The following TLL2 variants were observed in gnomAD, a reference collection of about 807,000 sequenced individuals.
TLL2 encodes tolloid like 2.
TLL2 carries 106 observed loss-of-function variants against 123.0 expected under a neutral mutation model. That is an observed-to-expected ratio of 0.86 (90% CI 0.74 to 1.01). The LOEUF (loss-of-function observed/expected upper bound fraction) is 1.01, where lower values mean the gene tolerates loss of function less well. Ranked by LOEUF, TLL2 falls within the 50% of genes least tolerant of loss-of-function variation. The pLI is 0.00. For missense variants in TLL2, 1,332 were observed against 1,336.7 expected, an observed-to-expected ratio of 1.00 and a Z score of 0.06; for synonymous variants, 494 against 516.8, an observed-to-expected ratio of 0.96 and a Z score of 0.60.
At chr10:96,396,372 C>T (rs765955772) in intron 11 of TLL2, among the ~76,000 whole-genome samples, 3 of 152,146 alleles carry the variant, frequency 2.0e-5, no homozygotes, top group Non-Finnish European at 4.4e-5. Flanking sequence ...CCGTGAAGTT[C>T]CCCAGGTGAT....
chr10:96,502,688 A>T (rs1234835372), intron 1 of TLL2, among the ~76,000 whole-genome samples: 2 of 147,680 alleles, frequency 1.4e-5, no homozygotes, highest in African/African-American at 4.9e-5. Flanking sequence ...CAGGGAGGAG[A>T]GGCGACCCTG....
At chr10:96,410,286 A>T (rs749718888) in intron 9 of TLL2, 73 bp downstream of exon 9, 10 of 1,091,910 alleles carry the variant, frequency 9.2e-6, no homozygotes, top group Non-Finnish European at 1.4e-5. Flanking sequence ...TTTACTATTA[A>T]CAATAAGAAC....
intron 11 of TLL2, among the ~76,000 whole-genome samples, chr10:96,396,422 C>T (rs1846341490): frequency 6.6e-6 from 1 of 152,086 alleles, no homozygotes; most frequent in Admixed American, 6.5e-5. Flanking sequence ...GGAAAGGACC[C>T]GTGCGCGCAC....
In TLL2 at chr10:96,452,978, CAT is replaced by C. The variant is rs572312917; in HGVS notation, c.287-6812_287-6811del. 5.7e-3 allele frequency among the ~76,000 whole-genome samples: 864 copies of C among 152,304 alleles called. 15 individuals carry two copies. The South Asian group carries it at 0.074, about 13-fold the overall frequency. On this transcript the variant is annotated intron_variant, in intron 2 of 20. Coordinates refer to ENST00000357947, the MANE Select transcript of TLL2 (RefSeq NM_012465.4). The stretch of plus-strand genomic sequence containing the variant: ...TAACTTTTATATCCGTGCCAAATTT[CAT>C]ATGCTACAGAAGAGAACGGGAAAAT...
intron 11 of TLL2, 66 bp from the exon 12 acceptor site, chr10:96,396,086 T>C (rs1179293984): frequency 5.8e-6 from 9 of 1,565,102 alleles, no homozygotes; most frequent in African/African-American, 5.4e-5. Flanking sequence ...GGAAGGAAGG[T>C]TGGGGAGGCG....
At chr10:96,403,890 A>G (rs1216445558) in intron 10 of TLL2, among the ~76,000 whole-genome samples, 2 of 152,090 alleles carry the variant, frequency 1.3e-5, no homozygotes, top group African/African-American at 4.8e-5. Context: ...CTGCCTTGTT[A>G]TTCTTTACTC....
intron 11 of TLL2, 134 bp from the exon 12 acceptor site, chr10:96,396,154 GC>G: frequency 9.8e-7 from 1 of 1,023,498 alleles, no homozygotes; most frequent in Non-Finnish European, 1.4e-6. Flanking sequence ...TTCATCTCCA[GC>G]CCACAAACAC....
At chr10:96,468,561 A>G (rs1339349298) in intron 2 of TLL2, among the ~76,000 whole-genome samples, 1 of 152,208 alleles carries the variant, frequency 6.6e-6, no homozygotes, top group African/African-American at 2.4e-5. Flanking sequence ...TATTTGAGCT[A>G]TCTTGAGTGG....
chr10:96,406,526 C>A (rs1236227428), intron 9 of TLL2, among the ~76,000 whole-genome samples: 2 of 152,158 alleles, frequency 1.3e-5, no homozygotes, highest in African/African-American at 4.8e-5. Context: ...CTAGCCACTT[C>A]TTTATATTCA....
At chr10:96,410,713 C>T in intron 8 of TLL2, 1 of 603,680 alleles carries the variant, frequency 1.7e-6, no homozygotes. Flanking sequence ...TGAGCATGGC[C>T]TAGAGGTCAT....
intron 7 of TLL2, among the ~76,000 whole-genome samples, chr10:96,415,822 C>T (rs1258240713): frequency 1.2e-5 from 1 of 84,994 alleles, no homozygotes; most frequent in African/African-American, 4.3e-5. Context: ...TTAGAAAATA[C>T]CTATTACCCC....
chr10:96,456,573 G>A (rs1847018315), intron 2 of TLL2, among the ~76,000 whole-genome samples: 1 of 152,206 alleles, frequency 6.6e-6, no homozygotes, highest in Non-Finnish European at 1.5e-5. Flanking sequence ...CCAGGAATCA[G>A]ACCAGAAGTC....
chr10:96,449,592 A>G (rs1196445561), intron 2 of TLL2, among the ~76,000 whole-genome samples: 1 of 152,156 alleles, frequency 6.6e-6, no homozygotes, highest in Non-Finnish European at 1.5e-5. Flanking sequence ...GCCACATTTC[A>G]TCTCCTGATG....
chr10:96,394,410 C>T (rs1846318011), intron 13 of TLL2, among the ~76,000 whole-genome samples: 1 of 151,956 alleles, frequency 6.6e-6, no homozygotes, highest in Non-Finnish European at 1.5e-5. Context: ...GAGGACCTGC[C>T]CGTTCAAAGG....
At chr10:96,374,964 G>C (rs1410754983) in intron 18 of TLL2, among the ~76,000 whole-genome samples, 9 of 45,268 alleles carry the variant, frequency 2.0e-4, no homozygotes, top group East Asian at 2.5e-3. Flanking sequence ...TTAGTTGCGG[G>C]GGGGGGGGGG....
At chr10:96,464,883 T>G (rs1395121410) in intron 2 of TLL2, among the ~76,000 whole-genome samples, 2 of 152,184 alleles carry the variant, frequency 1.3e-5, no homozygotes, top group African/African-American at 2.4e-5. Context: ...CAGAAAGGGT[T>G]GCCTACACTC....
intron 2 of TLL2, among the ~76,000 whole-genome samples, chr10:96,479,331 G>A (rs1847289146): frequency 6.6e-6 from 1 of 152,218 alleles, no homozygotes. Flanking sequence ...CCTGCAGGGA[G>A]CTTTGAAGGC....
intron 10 of TLL2, 129 bp downstream of exon 10, chr10:96,405,101 CAG>C (rs1846436892): frequency 2.5e-6 from 2 of 795,900 alleles, no homozygotes; most frequent in African/African-American, 3.4e-5. Flanking sequence ...ATGGAGTGCT[CAG>C]AGTTTTACAA....
intron 20 of TLL2, 94 bp downstream of exon 20, chr10:96,369,971 G>C (rs1485279702): frequency 1.4e-6 from 2 of 1,464,932 alleles, no homozygotes; most frequent in Non-Finnish European, 1.8e-6. Flanking sequence ...AAGTGGAGTA[G>C]GTGGCCGGGA....
Sources: gnomAD v4.1 joint callset for allele counts (sites outside exome capture counted in the v4.1 genomes callset) on GRCh38, gnomAD v4.1.1 for gene constraint, MANE v1.5 for transcripts, NCBI Gene and HGNC (gene_info 2026-07-23, HGNC 2026-07-21) for gene names.